ATF7IP: variants seen among roughly 807,000 people sequenced by gnomAD.
ATF7IP encodes activating transcription factor 7-interacting protein 1.
Under a neutral mutation model 106.4 loss-of-function variants are expected in ATF7IP, and 23 were observed. The ratio of observed to expected loss-of-function variants is 0.22; its 90% confidence interval spans 0.16 to 0.31. The LOEUF (loss-of-function observed/expected upper bound fraction) is 0.31, where lower values mean the gene tolerates loss of function less well. Among genes scored for constraint, ATF7IP ranks in the 10% least tolerant of loss-of-function variants. The probability of loss-of-function intolerance (pLI) is 1.00; values close to 1 mark genes in which losing one functional copy is unlikely to be tolerated. For missense variants in ATF7IP, 1,334 were observed against 1,524.3 expected (o/e 0.88, Z 2.08); for synonymous variants, 542 against 539.0 (o/e 1.01, Z -0.08).
intron 1 of ATF7IP, among the ~76,000 whole-genome samples, chr12:14,413,225 A>G (rs1565490256): frequency 6.6e-6 from 1 of 152,118 alleles, no homozygotes; most frequent in East Asian, 1.9e-4. Flanking sequence ...ATCCTCTTCT[A>G]TTCTTAGTTG....
At position 14,424,510 on chromosome 12, in the gene ATF7IP, C is replaced by A. The variant is rs1052264889; in HGVS notation, c.595C>A (p.Leu199Ile). ...ATSGDATADD[L>I]SSGDPTSSDP... Reference sequence around the variant, plus strand: ...CTCTGGTGATGCCACTGCTGATGATCTCTCCTCTGGTGATCCCACCTCTAG... The same window carrying A: ...CTCTGGTGATGCCACTGCTGATGATATCTCCTCTGGTGATCCCACCTCTAG... The change falls in exon 2 of 15, where the codon CTC becomes ATC. Residue 199 changes from leucine (L) to isoleucine (I), a missense_variant. Physicochemically the swap from Leu to Ile is conservative, Grantham distance 5 (BLOSUM62 2). Transcript: ENST00000261168. The A allele has an allele frequency of 1.6e-5, 26 of 1,613,928 alleles. No individual in the cohort carries two copies. The highest frequency in any genetic ancestry group is 2.7e-5 in the African/African-American group (2 of 74,870).
In ATF7IP at chr12:14,500,635, TA is replaced by T. The variant is rs1431969209; in HGVS notation, c.*2563del. 2 of 152,228 alleles carry T rather than the reference TA, an allele frequency of 1.3e-5. No individual in the cohort carries two copies. The highest frequency in any genetic ancestry group is 2.4e-5 in the African/African-American group (1 of 41,460). The allele number at this position is 152,228 out of a possible 1,614,324, so 9.4% of individuals were successfully genotyped here. ...GAAGGCCCATGTTCAAATTGTTCTT[TA>T]TTGGGTGTTTTTATGGTCACGTGGT... On this transcript the variant is annotated 3_prime_UTR_variant, in exon 15 of 15. Coordinates refer to ENST00000261168, the MANE Select transcript of ATF7IP (RefSeq NM_018179.5).
intron 13 of ATF7IP, among the ~76,000 whole-genome samples, chr12:14,488,778 G>C (rs138407615): frequency 2.6e-5 from 4 of 152,058 alleles, no homozygotes; most frequent in Non-Finnish European, 4.4e-5. Context: ...AACCAGAAGC[G>C]CACCAATCCC....
At chr12:14,428,096 T>C (rs1401194133) in intron 2 of ATF7IP, among the ~76,000 whole-genome samples, 1 of 151,802 alleles carries the variant, frequency 6.6e-6, no homozygotes. Context: ...CTATACAGAG[T>C]GTGGCACTAG....
At chr12:14,379,310 T>G (rs531869642) in intron 1 of ATF7IP, among the ~76,000 whole-genome samples, 2 of 152,338 alleles carry the variant, frequency 1.3e-5, no homozygotes, top group Admixed American at 1.3e-4. Context: ...GTAAATTTCC[T>G]GAGCCCCCAC....
intron 11 of ATF7IP, chr12:14,476,241 G>C (rs35067605): frequency 4.0e-6 from 1 of 251,266 alleles, no homozygotes. Context: ...GTGAAACCCC[G>C]TCTCTATAAA....
At chr12:14,485,050 T>C (rs1022828680) in intron 13 of ATF7IP, among the ~76,000 whole-genome samples, 18 of 152,146 alleles carry the variant, frequency 1.2e-4, no homozygotes, top group Admixed American at 9.2e-4. Context: ...GCCTCCACTG[T>C]GATTCATCTG....
At chr12:14,465,983 T>C (rs1943817282) in intron 9 of ATF7IP, 1 of 152,186 alleles carries the variant, frequency 6.6e-6, no homozygotes, top group Non-Finnish European at 1.5e-5. Flanking sequence ...AAATATACTT[T>C]GTTTATTTTC....
chr12:14,391,896 T>G (rs1377135045), intron 1 of ATF7IP, among the ~76,000 whole-genome samples: 1 of 151,974 alleles, frequency 6.6e-6, no homozygotes, highest in Non-Finnish European at 1.5e-5. Context: ...TAATTTTGTA[T>G]TTTTAGTAGA....
chr12:14,414,284 T>G (rs1226227762), intron 1 of ATF7IP, among the ~76,000 whole-genome samples: 1 of 152,222 alleles, frequency 6.6e-6, no homozygotes, highest in Non-Finnish European at 1.5e-5. Flanking sequence ...TTACTTCCCA[T>G]GCCCTTAGTG....
intron 1 of ATF7IP, among the ~76,000 whole-genome samples, chr12:14,416,374 C>G (rs1941207382): frequency 6.6e-6 from 1 of 152,156 alleles, no homozygotes; most frequent in Non-Finnish European, 1.5e-5. Context: ...GTTGTACTCT[C>G]AGGCAACAGC....
At chr12:14,388,381 CTG>C (rs1228947724) in intron 1 of ATF7IP, among the ~76,000 whole-genome samples, 2 of 150,244 alleles carry the variant, frequency 1.3e-5, no homozygotes, top group African/African-American at 2.5e-5. Context: ...GAGTCTCACT[CTG>C]TCGCTGAGGC....
At chr12:14,478,600 G>A (rs1002159843) in intron 12 of ATF7IP, 128 bp downstream of exon 12, 2 of 1,072,772 alleles carry the variant, frequency 1.9e-6, no homozygotes, top group African/African-American at 3.2e-5. Context: ...TACAGTGCAT[G>A]TCCTTTTGAA....
chr12:14,424,083 C>T lies in ATF7IP; in HGVS notation c.168C>T (p.Thr56=), dbSNP rs1412154984. The change falls in exon 2 of 15, where the codon ACC becomes ACT. Residue 56 remains threonine (T), a synonymous_variant. Transcript: ENST00000261168. ...ATGAAAATGGAGATTTGGACCCAAC[C>T]TCACCTTTGGAAAACATGGATTACA... is the stretch of plus-strand genomic sequence containing the variant. ...GNHENGDLDP[T]SPLENMDYIK... 8.7e-6 allele frequency: 14 copies of T among 1,614,034 alleles called. No individual in the cohort carries two copies. Among genetic ancestry groups the T allele is most frequent in the Admixed American group, 3.3e-5 (2 of 59,996 alleles).
At chr12:14,413,671 A>C (rs1394832519) in intron 1 of ATF7IP, among the ~76,000 whole-genome samples, 3 of 152,194 alleles carry the variant, frequency 2.0e-5, no homozygotes, top group Non-Finnish European at 4.4e-5. Flanking sequence ...ATTATCACAT[A>C]AACTAATGAG....
rs1565496375 is a variant in ATF7IP, at chr12:14,422,358, AC to A, written c.-7-1549del. 3.9e-5 allele frequency among the ~76,000 whole-genome samples: 5 copies of A among 128,686 alleles called. No individual in the cohort carries two copies. The East Asian group carries it at 9.7e-4, about 25-fold the overall frequency. 84.4% of individuals were successfully genotyped at this position (128,686 alleles called of 152,430 possible). A position where few individuals can be genotyped will look rare whatever the true frequency, so the allele number is the denominator to read the frequency against. ...ACACACACACACACACACACACACA[AC>A]CTTTGTATTTATTTTGAAATTTTTT... On this transcript the variant is annotated intron_variant, in intron 1 of 14. Coordinates refer to ENST00000261168, the MANE Select transcript of ATF7IP (RefSeq NM_018179.5).
rs372435035 is a variant in ATF7IP at position 14,424,421 on chromosome 12, C to T, written c.506C>T (p.Ala169Val). The change falls in exon 2 of 15, where the codon GCT (alanine) becomes GTT (valine). Residue 169 changes from alanine (A) to valine (V), a missense_variant. Transcript: ENST00000261168. ...PTSSEPSSSD[A>V]ASGDATSGDA... is the part of the protein sequence containing the mutation. ...TCTAGCGAGCCCTCCTCTAGTGATG[C>T]TGCCTCTGGTGATGCAACCTCTGGT... The T allele has an allele frequency of 1.7e-5, 28 of 1,613,554 alleles. No homozygotes were observed. The South Asian group carries it at 2.7e-4, about 16-fold the overall frequency.
At chr12:14,393,890 TGACTC>T (rs1939703885) in intron 1 of ATF7IP, among the ~76,000 whole-genome samples, 1 of 152,140 alleles carries the variant, frequency 6.6e-6, no homozygotes, top group Non-Finnish European at 1.5e-5. Context: ...TTGCAGATAA[TGACTC>T]AACTCTTGCC....
chr12:14,368,865 T>C (rs1013888263), intron 1 of ATF7IP, among the ~76,000 whole-genome samples: 1 of 152,144 alleles, frequency 6.6e-6, no homozygotes, highest in East Asian at 1.9e-4. Flanking sequence ...TTAATATTTG[T>C]CACAGTAATT....
Sources: allele counts gnomAD v4.1 joint callset (sites outside exome capture counted in the v4.1 genomes callset), GRCh38; gene constraint gnomAD v4.1.1; transcripts MANE v1.5; gene names NCBI Gene and HGNC (gene_info 2026-07-23, HGNC 2026-07-21).